The following CFAP299 variants were observed in gnomAD, a reference collection of about 807,000 sequenced individuals.
The protein encoded by CFAP299 is cilia and flagella associated protein 299, also known as cilia- and flagella-associated protein 299.
In CFAP299, 21 loss-of-function variants were observed where a neutral mutation model predicts 27.0. That is an observed-to-expected ratio of 0.78 (90% confidence interval 0.55 to 1.12). The LOEUF is 1.12. CFAP299 is among the 50% of genes most tolerant of loss of function. CFAP299 has a pLI of 0.00. For missense variants in CFAP299, 310 were observed against 276.6 expected (o/e 1.12, Z -0.86); for synonymous variants, 104 against 98.1 (o/e 1.06, Z -0.36).
chr4:80,440,541 C>G (rs1304243210), intron 2 of CFAP299, among the ~76,000 whole-genome samples: 3 of 152,112 alleles, frequency 2.0e-5, no homozygotes, highest in Admixed American at 6.5e-5. Flanking sequence ...GCAAAAACCC[C>G]ATCTGAAGGT....
chr4:80,642,924 G>C (rs1739804313), intron 3 of CFAP299, among the ~76,000 whole-genome samples: 1 of 152,040 alleles, frequency 6.6e-6, no homozygotes, highest in Admixed American at 6.6e-5. Flanking sequence ...CATTTTAGTT[G>C]AGAGTGGGGT....
chr4:80,927,459 T>C lies in CFAP299; in HGVS notation c.477-17351T>C, dbSNP rs73831205. ...TTCCTACTGCTAAGTCACAAATTAC[T>C]ACAAATTTAGTGGCTTAAAATGACA... On this transcript the variant is annotated intron_variant, in intron 4 of 5. Coordinates refer to ENST00000358105, the MANE Select transcript of CFAP299 (RefSeq NM_152770.3). Among the ~76,000 whole-genome samples, 1,176 of 152,242 alleles carry C rather than the reference T, an allele frequency of 7.7e-3. 3 individuals carry two copies. Among genetic ancestry groups the C allele is most frequent in the Middle Eastern group, 0.014 (4 of 294 alleles).
intron 2 of CFAP299, among the ~76,000 whole-genome samples, chr4:80,508,761 A>G (rs182155163): frequency 6.6e-5 from 10 of 152,186 alleles, no homozygotes; most frequent in African/African-American, 9.6e-5. Context: ...TCCCACCATA[A>G]TGTCCAGACT....
chr4:80,581,647 T>A (rs1736181296), intron 2 of CFAP299, among the ~76,000 whole-genome samples: 1 of 151,304 alleles, frequency 6.6e-6, no homozygotes, highest in Non-Finnish European at 1.5e-5. Flanking sequence ...AATCACTAGG[T>A]GTATTTTATC....
intron 3 of CFAP299, among the ~76,000 whole-genome samples, chr4:80,850,730 A>G (rs1424736458): frequency 6.6e-6 from 1 of 152,074 alleles, no homozygotes; most frequent in African/African-American, 2.4e-5. Flanking sequence ...TCCATTTTAG[A>G]GAAGAATTTC....
chr4:80,791,828 A>T (rs1727587110), intron 3 of CFAP299, among the ~76,000 whole-genome samples: 1 of 151,718 alleles, frequency 6.6e-6, no homozygotes, highest in South Asian at 2.1e-4. Context: ...TCACAGAATG[A>T]CATATTGACA....
At chr4:80,861,866 ACTGT>A (rs1429800807) in intron 3 of CFAP299, among the ~76,000 whole-genome samples, 3 of 152,140 alleles carry the variant, frequency 2.0e-5, no homozygotes, top group Non-Finnish European at 4.4e-5. Context: ...AACTTATTGA[ACTGT>A]CTTAGAAGTT....
At chr4:80,526,801 C>T (rs1363554633) in intron 2 of CFAP299, among the ~76,000 whole-genome samples, 2 of 152,092 alleles carry the variant, frequency 1.3e-5, no homozygotes, top group African/African-American at 4.8e-5. Flanking sequence ...ACCTTACACA[C>T]CTTTTAGATC....
At chr4:80,882,196 A>G (rs1438673357) in intron 4 of CFAP299, among the ~76,000 whole-genome samples, 2 of 152,228 alleles carry the variant, frequency 1.3e-5, no homozygotes, top group Admixed American at 6.5e-5. Context: ...TTAAAGCAAT[A>G]ATGATGGAAA....
At chr4:80,414,007 C>T (rs959119074) in intron 2 of CFAP299, among the ~76,000 whole-genome samples, 1 of 151,404 alleles carries the variant, frequency 6.6e-6, no homozygotes, top group African/African-American at 2.4e-5. Flanking sequence ...GAAAAGAAGA[C>T]TCAGTTGTCT....
intron 2 of CFAP299, among the ~76,000 whole-genome samples, chr4:80,440,815 A>G (rs1464569300): frequency 6.6e-6 from 1 of 152,238 alleles, no homozygotes; most frequent in African/African-American, 2.4e-5. Context: ...ACCTTGATAA[A>G]GGGTTACAGG....
intron 1 of CFAP299, among the ~76,000 whole-genome samples, chr4:80,340,348 A>G (rs1578330401): frequency 6.6e-6 from 1 of 152,152 alleles, no homozygotes; most frequent in Non-Finnish European, 1.5e-5. Flanking sequence ...CCTTCCATCC[A>G]ATACTCAGAA....
intron 3 of CFAP299, among the ~76,000 whole-genome samples, chr4:80,749,898 C>T (rs1426684146): frequency 6.6e-6 from 1 of 152,218 alleles, no homozygotes; most frequent in Admixed American, 6.6e-5. Flanking sequence ...AAGAACAATA[C>T]TTTGTATCCT....
chr4:80,949,117 A>T (rs1333904515), intron 5 of CFAP299, among the ~76,000 whole-genome samples: 1 of 152,186 alleles, frequency 6.6e-6, no homozygotes, highest in Non-Finnish European at 1.5e-5. Flanking sequence ...CATGATTTTG[A>T]TTTATGAACA....
At chr4:80,850,936 G>C (rs36038057) in intron 3 of CFAP299, among the ~76,000 whole-genome samples, 3 of 151,970 alleles carry the variant, frequency 2.0e-5, no homozygotes, top group Non-Finnish European at 4.4e-5. Context: ...GGAAGTAAAA[G>C]AAATCAAAGT....
intron 3 of CFAP299, among the ~76,000 whole-genome samples, chr4:80,688,438 C>G (rs1310030630): frequency 6.6e-6 from 1 of 152,044 alleles, no homozygotes; most frequent in Non-Finnish European, 1.5e-5. Flanking sequence ...ACACTGACAC[C>G]TCACACAGCC....
intron 3 of CFAP299, among the ~76,000 whole-genome samples, chr4:80,681,874 T>G (rs1486032): frequency 0.93 from 141,941 of 152,222 alleles, 66,250 homozygotes; most frequent in East Asian, 1. Flanking sequence ...GTAGCATAAA[T>G]CAAAGGCAGC....
Position 80,505,670 on chromosome 4 carries a change from C to T in CFAP299, c.243-77423C>T, listed in dbSNP as rs1314865558. Among the ~76,000 whole-genome samples the T allele has an allele frequency of 3.3e-5, 5 of 152,182 alleles. No homozygotes were observed. The East Asian group carries it at 9.6e-4, about 29-fold the overall frequency. Reference sequence around the variant, plus strand: ...AGTTGTATGTGTGAACTTAAAATAGCTCCTCTCTAATAGGAAATGTTGGAA... The same window carrying T: ...AGTTGTATGTGTGAACTTAAAATAGTTCCTCTCTAATAGGAAATGTTGGAA... On this transcript the variant is annotated intron_variant, in intron 2 of 5. Transcript: ENST00000358105.
At chr4:80,918,048 C>T (rs534028470) in intron 4 of CFAP299, among the ~76,000 whole-genome samples, 2 of 152,062 alleles carry the variant, frequency 1.3e-5, no homozygotes, top group Non-Finnish European at 2.9e-5. Context: ...CTTGCTGTAC[C>T]ATTAGCTCTG....
Sources: allele counts gnomAD v4.1 joint callset (sites outside exome capture counted in the v4.1 genomes callset), GRCh38; gene constraint gnomAD v4.1.1; transcripts MANE v1.5; gene names NCBI Gene and HGNC (gene_info 2026-07-23, HGNC 2026-07-21).